CCDC167: variants seen among roughly 807,000 people sequenced by gnomAD.
CCDC167 encodes the protein coiled-coil domain-containing protein 167.
In CCDC167, 15 loss-of-function variants were observed where a neutral mutation model predicts 12.7. The observed-to-expected ratio is 1.18, with a 90% CI of 0.79 to 1.81. The LOEUF is 1.81. Ranked by LOEUF, CCDC167 falls within the 40% of genes most tolerant of loss-of-function variation. The probability of loss-of-function intolerance (pLI) is 0.00; values close to 1 mark genes in which losing one functional copy is unlikely to be tolerated. For synonymous variants in CCDC167, 52 were observed against 49.0 expected (o/e 1.06, Z -0.26); for missense variants, 121 against 120.1 (o/e 1.01, Z -0.03).
chr6:37,484,526 G>A (rs529856924), intron 3 of CCDC167, among the ~76,000 whole-genome samples: 1 of 152,162 alleles, frequency 6.6e-6, no homozygotes, highest in African/African-American at 2.4e-5. Context: ...GACTTCCGAT[G>A]TCTAGGTGAA....
In CCDC167 at chr6:37,483,083, G is replaced by A. The variant is rs1761888553; in HGVS notation, c.*103C>T. ...CATGCTTGAACACTAGGTTGGGAGGGGAACACCCCAGCACCTTGGTCCTAT... is the reference window on the plus strand; with the variant it reads ...CATGCTTGAACACTAGGTTGGGAGGAGAACACCCCAGCACCTTGGTCCTAT... On this transcript the variant is annotated 3_prime_UTR_variant, in exon 4 of 4. Transcript: ENST00000373408. 2.2e-6 allele frequency: 2 copies of A among 921,716 alleles called. No homozygotes were observed. The highest frequency in any genetic ancestry group is 3.6e-6 in the Non-Finnish European group (2 of 559,004). The allele number at this position is 921,716 out of a possible 1,614,324, so 57.1% of individuals were successfully genotyped here.
intron 1 of CCDC167, among the ~76,000 whole-genome samples, chr6:37,493,886 G>A (rs1056398666): frequency 2.6e-5 from 4 of 152,180 alleles, no homozygotes; most frequent in Non-Finnish European, 5.9e-5. Context: ...GCTCCAGAGC[G>A]GAGACCGTCT....
At chr6:37,487,819 A>G (rs1038086842) in intron 1 of CCDC167, among the ~76,000 whole-genome samples, 3 of 152,238 alleles carry the variant, frequency 2.0e-5, no homozygotes, top group East Asian at 3.8e-4. Context: ...AACAAGCCCA[A>G]TTTATCTGCA....
Position 37,483,168 on chromosome 6 carries a change from T to G in CCDC167, c.*18A>C. On this transcript the variant is annotated 3_prime_UTR_variant, in exon 4 of 4. Coordinates refer to ENST00000373408, the MANE Select transcript of CCDC167 (RefSeq NM_138493.3). The stretch of plus-strand genomic sequence containing the variant: ...GGGCCAAGTGGAAGCCTGTGCTGGT[T>G]GTGGGGAAGTGCCAGGCTCACATGG... 1.9e-6 allele frequency: 3 copies of G among 1,589,622 alleles called. No individual in the cohort carries two copies. Among genetic ancestry groups the G allele is most frequent in the Non-Finnish European group, 2.6e-6 (3 of 1,157,854 alleles).
chr6:37,495,823 TCAC>T (rs949458788), intron 1 of CCDC167, among the ~76,000 whole-genome samples: 19 of 152,320 alleles, frequency 1.2e-4, no homozygotes, highest in African/African-American at 4.1e-4. Context: ...TTTGATTAAA[TCAC>T]CACTTCATTG....
Position 37,495,530 on chromosome 6 carries a change from G to A in CCDC167, c.42+4292C>T, listed in dbSNP as rs916279104. Among the ~76,000 whole-genome samples, 5 of 152,318 alleles carry A rather than the reference G, an allele frequency of 3.3e-5. No individual in the cohort carries two copies. In the South Asian group the frequency reaches 1.0e-3, roughly 32 times the overall value. On this transcript the variant is annotated intron_variant, in intron 1 of 3. Transcript: ENST00000373408. ...ATAATTTTCTTTTCTTATTAAGAAT[G>A]AAATCTCAGAAGCTAAAACTCACAG...
At chr6:37,493,988 C>A (rs903040956) in intron 1 of CCDC167, among the ~76,000 whole-genome samples, 1 of 151,712 alleles carries the variant, frequency 6.6e-6, no homozygotes, top group Admixed American at 6.6e-5. Context: ...TCAAGCCTTC[C>A]GGTGCTCTTC....
intron 1 of CCDC167, among the ~76,000 whole-genome samples, chr6:37,497,000 T>C (rs1762104890): frequency 6.6e-6 from 1 of 152,074 alleles, no homozygotes; most frequent in African/African-American, 2.4e-5. Flanking sequence ...GGTGACAAGA[T>C]CTCAAGAGAT....
Position 37,483,111 on chromosome 6 carries a change from A to C in CCDC167, c.*75T>G. The C allele has an allele frequency of 8.7e-7, 1 of 1,144,160 alleles. No individual in the cohort carries two copies. The highest frequency in any genetic ancestry group is 1.3e-6 in the Non-Finnish European group (1 of 753,086). 70.9% of individuals were successfully genotyped at this position (1,144,160 alleles called of 1,614,324 possible). A position where few individuals can be genotyped will look rare whatever the true frequency, so the allele number is the denominator to read the frequency against. On this transcript the variant is annotated 3_prime_UTR_variant, in exon 4 of 4. Transcript: ENST00000373408. Reference sequence around the variant, plus strand: ...ACACCCCAGCACCTTGGTCCTATTGAGGCTTGAAGTGCCTGCTTGATCCTG... The same window carrying C: ...ACACCCCAGCACCTTGGTCCTATTGCGGCTTGAAGTGCCTGCTTGATCCTG...
At chr6:37,495,260 C>A (rs999695703) in intron 1 of CCDC167, among the ~76,000 whole-genome samples, 3 of 152,210 alleles carry the variant, frequency 2.0e-5, no homozygotes, top group Admixed American at 2.0e-4. Flanking sequence ...GGCTAAGACA[C>A]CACACATCTG....
chr6:37,492,252 T>C (rs1018523173), intron 1 of CCDC167, among the ~76,000 whole-genome samples: 1 of 152,242 alleles, frequency 6.6e-6, no homozygotes, highest in Non-Finnish European at 1.5e-5. Flanking sequence ...AAAACATTCA[T>C]GACAAGAGTT....
chr6:37,484,756 T>C (rs1761918877), intron 3 of CCDC167, 54 bp downstream of exon 3: 6 of 1,608,274 alleles, frequency 3.7e-6, no homozygotes, highest in Non-Finnish European at 5.1e-6. Context: ...TTCTGACCCT[T>C]CCTGGTTCTG....
chr6:37,487,690 GA>G (rs1381661441), intron 1 of CCDC167, among the ~76,000 whole-genome samples: 1 of 152,182 alleles, frequency 6.6e-6, no homozygotes, highest in Non-Finnish European at 1.5e-5. Context: ...GCAAGGCCAG[GA>G]ACTCATGCTA....
intron 1 of CCDC167, among the ~76,000 whole-genome samples, chr6:37,497,547 G>A (rs868019441): frequency 1.3e-4 from 19 of 151,140 alleles, no homozygotes; most frequent in African/African-American, 3.7e-4. Context: ...GTCGGGGGTC[G>A]GGGATCGGGG....
intron 1 of CCDC167, among the ~76,000 whole-genome samples, chr6:37,490,706 G>C (rs1762007067): frequency 6.6e-6 from 1 of 152,190 alleles, no homozygotes; most frequent in South Asian, 2.1e-4. Flanking sequence ...GGCTGCAGAG[G>C]CTGTGTTGTA....
At chr6:37,496,376 G>A (rs1175781149) in intron 1 of CCDC167, among the ~76,000 whole-genome samples, 1 of 152,166 alleles carries the variant, frequency 6.6e-6, no homozygotes, top group Admixed American at 6.5e-5. Context: ...GGAGGCTGCA[G>A]TGAGCTGAGA....
In CCDC167 at chr6:37,483,110, G is replaced by T; in HGVS notation, c.*76C>A. 8.8e-7 allele frequency: 1 copy of T among 1,138,506 alleles called. No individual in the cohort carries two copies. The highest frequency in any genetic ancestry group is 1.3e-6 in the Non-Finnish European group (1 of 748,012). The allele number at this position is 1,138,506 out of a possible 1,614,324, so 70.5% of individuals were successfully genotyped here. A position where few individuals can be genotyped will look rare whatever the true frequency, so the allele number is the denominator to read the frequency against. ...AACACCCCAGCACCTTGGTCCTATTGAGGCTTGAAGTGCCTGCTTGATCCT... is the reference window on the plus strand; with the variant it reads ...AACACCCCAGCACCTTGGTCCTATTTAGGCTTGAAGTGCCTGCTTGATCCT... On this transcript the variant is annotated 3_prime_UTR_variant, in exon 4 of 4. Transcript: ENST00000373408.
chr6:37,499,455 A>T (rs1762137448), intron 1 of CCDC167, among the ~76,000 whole-genome samples: 1 of 152,092 alleles, frequency 6.6e-6, no homozygotes, highest in African/African-American at 2.4e-5. Context: ...CTTAGATTCT[A>T]CAGGTCCCTA....
chr6:37,488,742 CAA>C, intron 1 of CCDC167, among the ~76,000 whole-genome samples: 1 of 152,320 alleles, frequency 6.6e-6, no homozygotes, highest in South Asian at 2.1e-4. Flanking sequence ...ACGTGTAAAA[CAA>C]AGATAACCAC....
Sources: gnomAD v4.1 joint callset for allele counts (sites outside exome capture counted in the v4.1 genomes callset) on GRCh38, gnomAD v4.1.1 for gene constraint, MANE v1.5 for transcripts, NCBI Gene and HGNC (gene_info 2026-07-23, HGNC 2026-07-21) for gene names.